Variants in TBC1D9B observed in about 807,000 individuals in gnomAD.
TBC1D9B encodes TBC1 domain family member 9B, also known as TBC1 domain family, member 9B (with GRAM domain).
A neutral mutation model predicts 121.1 loss-of-function variants in TBC1D9B; 87 were observed. The observed-to-expected ratio is 0.72, with a 90% CI of 0.60 to 0.86. TBC1D9B has a LOEUF of 0.86. TBC1D9B is among the 40% of genes least tolerant of loss of function. The pLI, the probability that TBC1D9B is intolerant of heterozygous loss-of-function variation, is 0.00. For missense variants in TBC1D9B, 1,540 were observed against 1,628.6 expected (o/e 0.95, Z 0.94); for synonymous variants, 668 against 670.1 (o/e 1.00, Z 0.05).
rs558051097 is a variant in TBC1D9B at position 179,874,097 on chromosome 5, G to A, written c.2186+805C>T. On this transcript the variant is annotated intron_variant, in intron 12 of 20. Coordinates refer to ENST00000355235, the MANE Select transcript of TBC1D9B (RefSeq NM_015043.4). The surrounding 1 kb of genome is among the most constrained non-coding windows in gnomAD (Gnocchi z 4.3). ...GTTCCTGGGGGCTGGGGGCATTCCA[G>A]TCCGGACAAATACGCTATGTAGGAG... Among the ~76,000 whole-genome samples, 3 of 152,296 alleles carry A rather than the reference G, an allele frequency of 2.0e-5. No homozygotes were observed. The East Asian group carries it at 5.8e-4, about 29-fold the overall frequency.
At position 179,904,798 on chromosome 5, in the gene TBC1D9B, T is replaced by G. The variant is rs973131872; in HGVS notation, c.133A>C (p.Thr45Pro). 1.3e-6 allele frequency: 2 copies of G among 1,563,506 alleles called. No individual in the cohort carries two copies. Among genetic ancestry groups the G allele is most frequent in the African/African-American group, 2.7e-5 (2 of 73,702 alleles). The change falls in exon 2 of 21, where the codon ACC (threonine) becomes CCC (proline). Residue 45 changes from threonine to proline, a missense_variant. Thr to Pro is a conservative substitution (Grantham distance 38). Coordinates refer to ENST00000355235, the MANE Select transcript of TBC1D9B (RefSeq NM_015043.4). The surrounding 1 kb of genome is among the most constrained non-coding windows in gnomAD (Gnocchi z 4.2). ...GGGLTGLLVG[T>P]LDVVLDSSAR... ...CTGGAGTCCAGCACCACGTCCAGGG[T>G]GCCCACGAGAAGACCTGGGAACAGG... is the stretch of plus-strand genomic sequence containing the variant.
rs941133940 is a variant in TBC1D9B, at chr5:179,907,891, G to C, written c.-70C>G. 1 of 871,718 alleles carries C rather than the reference G, an allele frequency of 1.1e-6. No homozygotes were observed. The highest frequency in any genetic ancestry group is 2.1e-5 in the African/African-American group (1 of 46,714). The allele number at this position is 871,718 out of a possible 1,614,324, so 54.0% of individuals were successfully genotyped here. Reference sequence around the variant, plus strand: ...CCCGCCGCCGTCGGCGTCCCGGAGCGGAGCGTGCGGAGCGGAGCGTGCGGA... The same window carrying C: ...CCCGCCGCCGTCGGCGTCCCGGAGCCGAGCGTGCGGAGCGGAGCGTGCGGA... On this transcript the variant is annotated 5_prime_UTR_variant, in exon 1 of 21. Transcript: ENST00000355235. This position sits in a 1 kb window ranked among gnomAD's most constrained non-coding sequence, Gnocchi z 5.3.
Position 179,870,500 on chromosome 5 carries a change from G to T in TBC1D9B, c.2485-5C>A. The T allele has an allele frequency of 6.2e-7, 1 of 1,604,968 alleles. No homozygotes were observed. On this transcript the variant is annotated splice_region_variant and splice_polypyrimidine_tract_variant and intron_variant, in intron 15 of 20. Transcript: ENST00000355235. Reference sequence around the variant, plus strand: ...CTGGCTAGCCAGGTGCTTGGCCTGTGGGACACGGTCTGGTGAGACGGTCCA... The same window carrying T: ...CTGGCTAGCCAGGTGCTTGGCCTGTTGGACACGGTCTGGTGAGACGGTCCA...
chr5:179,878,320 C>T lies in TBC1D9B; in HGVS notation c.1771G>A (p.Gly591Ser), dbSNP rs746078692. ...GTCAGGCCCCTTACCTGGCAGTAGC[C>T]GATGGTGGGGTTTCGGAAGGCATAG... Reference protein sequence around the residue: ...TAYAFRNPTIGYCQAMNIVTS... With the variant: ...TAYAFRNPTISYCQAMNIVTS... The change falls in exon 10 of 21, where the codon GGC (glycine) becomes AGC (serine). Residue 591 changes from glycine to serine, a missense_variant. Physicochemically the swap from Gly to Ser is moderately conservative, Grantham distance 56. Transcript: ENST00000355235. 16 of 1,612,412 alleles carry T rather than the reference C, an allele frequency of 9.9e-6. No individual in the cohort carries two copies. Among genetic ancestry groups the T allele is most frequent in the Middle Eastern group, 3.6e-4 (2 of 5,566 alleles).
At chr5:179,877,664 C>CAAAAAAAAAAAA (rs564753950) in intron 10 of TBC1D9B, among the ~76,000 whole-genome samples, 5 of 66,668 alleles carry the variant, frequency 7.5e-5, no homozygotes, top group African/African-American at 1.3e-4. Context: ...GATTCTATCT[C>CAAAAAAAAAAAA]AAAAAAAAAA....
chr5:179,879,853 C>A (rs1222318371), intron 7 of TBC1D9B, 64 bp from the exon 8 acceptor site: 2 of 1,507,066 alleles, frequency 1.3e-6, no homozygotes, highest in Non-Finnish European at 1.8e-6. Context: ...CTCTGATGCG[C>A]CCATCCATCC....
At chr5:179,880,236 C>T (rs767721758) in intron 7 of TBC1D9B, among the ~76,000 whole-genome samples, 3 of 152,172 alleles carry the variant, frequency 2.0e-5, no homozygotes, top group Admixed American at 1.3e-4. Context: ...CTGCGTCACC[C>T]GGTTGCTACC....
chr5:179,869,455 C>T, intron 17 of TBC1D9B: 1 of 544,876 alleles, frequency 1.8e-6, no homozygotes, highest in East Asian at 4.1e-5. Context: ...AGTTTCGGTT[C>T]CAGCCCTGAA....
Position 179,863,532 on chromosome 5 carries a change from A to T in TBC1D9B, c.3618T>A (p.Ile1206=). Residue 1206 remains isoleucine, a synonymous_variant, in exon 21 of 21, where the codon ATT becomes ATA. Transcript: ENST00000355235. This position sits in a 1 kb window ranked among gnomAD's most constrained non-coding sequence, Gnocchi z 4.5. ...TCTTTTGGTCCTTGATCTTGAGTCC[A>T]ATGTCCACTCTCTTCTCAAAGAAGT... ...LVNFFEKRVD[I]GLKIKDQKKV... is the part of the protein sequence containing the mutation. 1 of 1,614,142 alleles carries T rather than the reference A, an allele frequency of 6.2e-7. No individual in the cohort carries two copies. Among genetic ancestry groups the T allele is most frequent in the East Asian group, 2.2e-5 (1 of 44,878 alleles).
chr5:179,876,570 G>A (rs961219878), intron 10 of TBC1D9B, among the ~76,000 whole-genome samples: 1 of 152,164 alleles, frequency 6.6e-6, no homozygotes, highest in African/African-American at 2.4e-5. Context: ...ATATGACTTG[G>A]CCAGGAAAAT....
At chr5:179,898,027 A>G (rs1001743687) in intron 3 of TBC1D9B, among the ~76,000 whole-genome samples, 8 of 152,176 alleles carry the variant, frequency 5.3e-5, no homozygotes, top group African/African-American at 1.4e-4. Flanking sequence ...AAAGACATAT[A>G]CATTCAGGCC....
Position 179,870,398 on chromosome 5 carries a change from G to C in TBC1D9B, c.2582C>G (p.Ala861Gly), listed in dbSNP as rs1204420711. ...GGCAAAGAGTTCCCGGAACTGGCTG[G>C]CATCAATCCGGTACTGCTCCAGGTA... ...LPYLEQYRID[A>G]SQFRELFASL... The change falls in exon 16 of 21, where the codon GCC becomes GGC. Residue 861 changes from alanine (A) to glycine (G), a missense_variant. Coordinates refer to ENST00000355235, the MANE Select transcript of TBC1D9B (RefSeq NM_015043.4). 4 of 1,613,752 alleles carry C rather than the reference G, an allele frequency of 2.5e-6. No individual in the cohort carries two copies. In the South Asian group the frequency reaches 4.4e-5, roughly 18 times the overall value.
intron 10 of TBC1D9B, among the ~76,000 whole-genome samples, chr5:179,878,039 C>T (rs1457942083): frequency 6.6e-6 from 1 of 152,210 alleles, no homozygotes; most frequent in Non-Finnish European, 1.5e-5. Context: ...GAAGATGGGA[C>T]ATTTTATGTT....
In TBC1D9B at chr5:179,907,893, A is replaced by C. The variant is rs1014376107; in HGVS notation, c.-72T>G. 215 of 862,446 alleles carry C rather than the reference A, an allele frequency of 2.5e-4. 1 individual carries two copies. Among genetic ancestry groups the C allele is most frequent in the Non-Finnish European group, 2.8e-4 (206 of 725,244 alleles). The allele number at this position is 862,446 out of a possible 1,614,324, so 53.4% of individuals were successfully genotyped here. ...CGCCGCCGTCGGCGTCCCGGAGCGGAGCGTGCGGAGCGGAGCGTGCGGAGC... is the reference window on the plus strand; with the variant it reads ...CGCCGCCGTCGGCGTCCCGGAGCGGCGCGTGCGGAGCGGAGCGTGCGGAGC... On this transcript the variant is annotated 5_prime_UTR_variant, in exon 1 of 21. Transcript: ENST00000355235. The surrounding 1 kb of genome is among the most constrained non-coding windows in gnomAD (Gnocchi z 5.3).
In TBC1D9B at chr5:179,876,045, GCA is replaced by G; in HGVS notation, c.1783-10_1783-9del. 4 of 1,610,514 alleles carry G rather than the reference GCA, an allele frequency of 2.5e-6. No individual in the cohort carries two copies. Among genetic ancestry groups the G allele is most frequent in the Non-Finnish European group, 3.4e-6 (4 of 1,178,380 alleles). On this transcript the variant is annotated splice_polypyrimidine_tract_variant and intron_variant, in intron 10 of 20. Coordinates refer to ENST00000355235, the MANE Select transcript of TBC1D9B (RefSeq NM_015043.4). ...GGTCACGATGTTCATTGCCTGCCGG[GCA>G]CAGAGACAGCCGGGGAAGGCTTGCA...
At position 179,891,299 on chromosome 5, in the gene TBC1D9B, GAGC is replaced by G; in HGVS notation, c.1044+77_1044+79del. On this transcript the variant is annotated intron_variant, in intron 6 of 20. Transcript: ENST00000355235. The surrounding 1 kb of genome is among the most constrained non-coding windows in gnomAD (Gnocchi z 4.3). Reference sequence around the variant, plus strand: ...AGGTACCCCCCAGTGAGACAGGGCAGAGCAGGACAGGCTGGTCCCTGAGCCCAC... The same window carrying G: ...AGGTACCCCCCAGTGAGACAGGGCAGAGGACAGGCTGGTCCCTGAGCCCAC... The G allele has an allele frequency of 6.5e-7, 1 of 1,530,506 alleles. No homozygotes were observed. Among genetic ancestry groups the G allele is most frequent in the Non-Finnish European group, 9.0e-7 (1 of 1,109,936 alleles). The allele number at this position is 1,530,506 out of a possible 1,614,324, so 94.8% of individuals were successfully genotyped here.
intron 18 of TBC1D9B, chr5:179,867,203 G>T: frequency 2.1e-6 from 1 of 484,904 alleles, no homozygotes; most frequent in Non-Finnish European, 3.8e-6. Context: ...CTAACATGTG[G>T]CTGTGGAGGC....
In TBC1D9B at chr5:179,907,309, C is replaced by G. The variant is rs1470530012; in HGVS notation, c.118+395G>C. 2.0e-5 allele frequency among the ~76,000 whole-genome samples: 3 copies of G among 152,110 alleles called. No homozygotes were observed. The highest frequency in any genetic ancestry group is 4.4e-5 in the Non-Finnish European group (3 of 67,992). On this transcript the variant is annotated intron_variant, in intron 1 of 20. Coordinates refer to ENST00000355235, the MANE Select transcript of TBC1D9B (RefSeq NM_015043.4). The surrounding 1 kb of genome is among the most constrained non-coding windows in gnomAD (Gnocchi z 5.3). ...CTGGCGTCACCTGGCCCCTTAGAGG[C>G]ACCTGGGGAAACTGAGGTGGAGGAT...
rs550418299 is a variant in TBC1D9B, at chr5:179,904,220, CTT to C, written c.229+480_229+481del. The stretch of plus-strand genomic sequence containing the variant: ...CTGTCCCCATGACCAGTGGAGCTGC[CTT>C]TTTTTTTTTTTTTTTTTTTTGAGAC... On this transcript the variant is annotated intron_variant, in intron 2 of 20. Transcript: ENST00000355235. The surrounding 1 kb of genome is among the most constrained non-coding windows in gnomAD (Gnocchi z 4.2). 1.4e-4 allele frequency among the ~76,000 whole-genome samples: 11 copies of C among 80,914 alleles called. No individual in the cohort carries two copies. Among genetic ancestry groups the C allele is most frequent in the East Asian group, 6.6e-4 (1 of 1,524 alleles). 53.1% of individuals were successfully genotyped at this position (80,914 alleles called of 152,430 possible).
Sources: allele counts gnomAD v4.1 joint callset (sites outside exome capture counted in the v4.1 genomes callset), GRCh38; gene constraint gnomAD v4.1.1; non-coding constraint Gnocchi (gnomAD v3.1); transcripts MANE v1.5; gene names NCBI Gene and HGNC (gene_info 2026-07-23, HGNC 2026-07-21).